ODAD4: variants seen among roughly 807,000 people sequenced by gnomAD.
ODAD4 encodes the protein outer dynein arm docking complex subunit 4, also known as outer dynein arm-docking complex subunit 4.
Under a neutral mutation model 51.8 loss-of-function variants are expected in ODAD4, and 49 were observed. The ratio of observed to expected loss-of-function variants is 0.95; its 90% CI spans 0.75 to 1.20. The LOEUF (loss-of-function observed/expected upper bound fraction) is 1.20. Among genes scored for constraint, ODAD4 ranks in the 50% most tolerant of loss-of-function variants. The pLI is 0.00. For missense variants in ODAD4, 590 were observed against 586.5 expected, an observed-to-expected ratio of 1.01 and a Z score of -0.06; for synonymous variants, 235 against 221.3, an observed-to-expected ratio of 1.06 and a Z score of -0.55.
chr17:41,952,787 G>A (rs1397182010), intron 9 of ODAD4: 12 of 382,806 alleles, frequency 3.1e-5, no homozygotes, highest in African/African-American at 2.5e-4. Context: ...CTTTAGTGCA[G>A]TGTCACGTCC....
chr17:41,949,461 A>T (rs2144518462), intron 9 of ODAD4, 112 bp downstream of exon 9: 2 of 396,578 alleles, frequency 5.0e-6, no homozygotes, highest in Non-Finnish European at 8.9e-6. Flanking sequence ...TCCTTCCCAG[A>T]TTATTCTGAG....
chr17:41,955,576 C>A (rs377087200), intron 10 of ODAD4, among the ~76,000 whole-genome samples: 1 of 151,968 alleles, frequency 6.6e-6, no homozygotes. Context: ...ACAGGCGCCC[C>A]CCACCACGTC....
intron 5 of ODAD4, among the ~76,000 whole-genome samples, chr17:41,938,038 C>T (rs900983210): frequency 1.3e-5 from 2 of 152,212 alleles, no homozygotes. Flanking sequence ...CTCCAGAGGA[C>T]CCGCTGCGGA....
intron 1 of ODAD4, 82 bp downstream of exon 1, chr17:41,930,919 G>GTTTTTTT (rs1555636710): frequency 1.4e-6 from 1 of 691,344 alleles, no homozygotes; most frequent in African/African-American, 2.6e-5. Flanking sequence ...TTGTGACGGA[G>GTTTTTTT]TTTCGCTCTT....
rs79961325 is a variant in ODAD4, at chr17:41,932,694, G to A, written c.114+1857G>A. Among the ~76,000 whole-genome samples, 2,618 of 149,766 alleles carry A rather than the reference G, an allele frequency of 0.017. 150 individuals carry two copies. The East Asian group carries it at 0.22, about 12-fold the overall frequency. Reference sequence around the variant, plus strand: ...CAAGTAGCTGGAGCTACAGGCTTATGCCACCACGCCTGGCTAATTTTTTCT... The same window carrying A: ...CAAGTAGCTGGAGCTACAGGCTTATACCACCACGCCTGGCTAATTTTTTCT... On this transcript the variant is annotated intron_variant, in intron 1 of 11. Coordinates refer to ENST00000377540, the MANE Select transcript of ODAD4 (RefSeq NM_031421.5).
Position 41,965,112 on chromosome 17 carries a change from G to A in ODAD4, c.1648G>A (p.Glu550Lys), listed in dbSNP as rs2050860741. The A allele has an allele frequency of 1.3e-6, 1 of 772,498 alleles. No individual in the cohort carries two copies. The allele number at this position is 772,498 out of a possible 1,614,324, so 47.9% of individuals were successfully genotyped here. ...TAGTGAGGATGAGAAAGAGACAGAT[G>A]AGGACGATGAGGCTTTTGGGGAAGC... The part of the protein sequence containing the change: ...DHSEDEKETD[E>K]DDEAFGEALQ... The change falls in exon 12 of 12, where the codon GAG becomes AAG. Residue 550 changes from glutamate (E) to lysine (K), a missense_variant. This residue lies in a region of ODAD4 where 226 missense variants were observed against 162.7 expected (regional missense o/e 1.39). Transcript: ENST00000377540.
intron 11 of ODAD4, among the ~76,000 whole-genome samples, chr17:41,962,497 G>A (rs1276141618): frequency 6.6e-6 from 1 of 152,168 alleles, no homozygotes; most frequent in Non-Finnish European, 1.5e-5. Flanking sequence ...AGGAACAGGG[G>A]TGTTAAGCGC....
At chr17:41,946,644 TTTATG>T (rs1199711853) in intron 8 of ODAD4, among the ~76,000 whole-genome samples, 1 of 151,486 alleles carries the variant, frequency 6.6e-6, no homozygotes, top group African/African-American at 2.4e-5. Flanking sequence ...ACTATTTTAT[TTTATG>T]TTATGTTATG....
chr17:41,935,225 C>A lies in ODAD4; in HGVS notation c.123C>A (p.Tyr41Ter). 1 of 1,613,936 alleles carries A rather than the reference C, an allele frequency of 6.2e-7. No individual in the cohort carries two copies. The highest frequency in any genetic ancestry group is 8.5e-7 in the Non-Finnish European group (1 of 1,179,878). The change falls in exon 2 of 12, where the codon TAC (tyrosine) becomes TAA (stop). Residue 41 changes from tyrosine (Y) to a stop codon, truncating the protein, a stop_gained. Transcript: ENST00000377540. LOFTEE classifies it high-confidence loss of function. ...ACTGGTTTCTTTGTCAGGCTCTTTA[C>A]CTTCAGGATGGAGACAAGAACTGCC... ...KAAQSFSNALYLQDGDKNCLV... is the reference protein window; with the variant it reads ...KAAQSFSNAL
chr17:41,945,265 A>G, intron 8 of ODAD4, 43 bp downstream of exon 8: 1 of 1,462,712 alleles, frequency 6.8e-7, no homozygotes, highest in Non-Finnish European at 9.5e-7. Flanking sequence ...CCATGGTTAG[A>G]ACTTCTCACC....
intron 6 of ODAD4, 29 bp from the exon 7 acceptor site, chr17:41,938,936 G>T (rs2050467602): frequency 6.2e-7 from 1 of 1,600,162 alleles, no homozygotes; most frequent in African/African-American, 1.3e-5. Flanking sequence ...GGCTGCCCTG[G>T]CCTCCACAGC....
intron 1 of ODAD4, among the ~76,000 whole-genome samples, chr17:41,933,546 G>C (rs529848896): frequency 3.9e-5 from 6 of 152,106 alleles, no homozygotes; most frequent in Non-Finnish European, 7.4e-5. Context: ...CAGCTACTCC[G>C]GAGGCTGAGG....
At chr17:41,931,645 G>A (rs1268469784) in intron 1 of ODAD4, among the ~76,000 whole-genome samples, 1 of 151,866 alleles carries the variant, frequency 6.6e-6, no homozygotes, top group Non-Finnish European at 1.5e-5. Context: ...AGGTTCAAGC[G>A]ATTTTCCTGC....
chr17:41,956,697 A>G (rs538217578), intron 10 of ODAD4, among the ~76,000 whole-genome samples: 6 of 151,952 alleles, frequency 3.9e-5, no homozygotes, highest in Admixed American at 3.9e-4. Flanking sequence ...TGTAACAAGG[A>G]GTGATCTCAC....
intron 8 of ODAD4, 25 bp downstream of exon 8, chr17:41,945,247 C>G (rs1439812940): frequency 6.4e-7 from 1 of 1,570,924 alleles, no homozygotes; most frequent in African/African-American, 1.4e-5. Context: ...ATTGCCTCTT[C>G]CCCACCTCCA....
intron 10 of ODAD4, among the ~76,000 whole-genome samples, chr17:41,957,125 C>G (rs2050743627): frequency 6.6e-6 from 1 of 152,074 alleles, no homozygotes; most frequent in South Asian, 2.1e-4. Flanking sequence ...AGGCTGGTAT[C>G]AAACTCCTGG....
At chr17:41,959,257 G>T (rs1156316596) in intron 10 of ODAD4, among the ~76,000 whole-genome samples, 1 of 152,170 alleles carries the variant, frequency 6.6e-6, no homozygotes. Flanking sequence ...ACTCACCCAG[G>T]CCTCTTCCTC....
At chr17:41,933,550 G>T (rs1020921784) in intron 1 of ODAD4, among the ~76,000 whole-genome samples, 124 of 152,142 alleles carry the variant, frequency 8.2e-4, no homozygotes, top group African/African-American at 2.8e-3. Context: ...TACTCCGGAG[G>T]CTGAGGCAGG....
intron 11 of ODAD4, among the ~76,000 whole-genome samples, chr17:41,962,312 G>C (rs1555641879): frequency 6.6e-6 from 1 of 152,198 alleles, no homozygotes; most frequent in Non-Finnish European, 1.5e-5. Flanking sequence ...AGGGGCATAA[G>C]GTGCAGAGGC....
Sources: gnomAD v4.1 joint callset for allele counts (sites outside exome capture counted in the v4.1 genomes callset) on GRCh38, gnomAD v4.1.1 for gene constraint, gnomAD v4.1.1 regional missense constraint, MANE v1.5 for transcripts, NCBI Gene and HGNC (gene_info 2026-07-23, HGNC 2026-07-21) for gene names.